Variants in PIGU observed in about 807,000 individuals in gnomAD.
PIGU encodes the protein phosphatidylinositol glycan anchor biosynthesis class U.
Under a neutral mutation model 49.9 loss-of-function variants are expected in PIGU, and 24 were observed. That is an observed-to-expected ratio of 0.48 (90% CI 0.35 to 0.68). The LOEUF is 0.68. Among genes scored for constraint, PIGU ranks in the 30% least tolerant of loss-of-function variants. PIGU has a pLI of 0.01. For synonymous variants in PIGU, 220 were observed against 205.7 expected (o/e 1.07, Z -0.59); for missense variants, 490 against 532.6 (o/e 0.92, Z 0.79).
intron 11 of PIGU, among the ~76,000 whole-genome samples, 168 bp from the exon 12 acceptor site, chr20:34,561,147 G>T (rs1478172062): frequency 6.6e-6 from 1 of 152,092 alleles, no homozygotes; most frequent in African/African-American, 2.4e-5. Context: ...GCCCATAATT[G>T]ACCCTGCAAG....
intron 7 of PIGU, among the ~76,000 whole-genome samples, chr20:34,604,850 C>T (rs780515671): frequency 2.0e-5 from 3 of 152,114 alleles, no homozygotes; most frequent in Non-Finnish European, 4.4e-5. Flanking sequence ...TAAAGCAAAA[C>T]CAAAAGAGTA....
chr20:34,573,489 A>G (rs995893215), intron 11 of PIGU, among the ~76,000 whole-genome samples: 7 of 152,196 alleles, frequency 4.6e-5, no homozygotes, highest in African/African-American at 1.7e-4. Flanking sequence ...AGTTCCATGG[A>G]TGCTTCATAA....
chr20:34,632,186 T>C (rs1985804496), intron 6 of PIGU, among the ~76,000 whole-genome samples: 1 of 151,838 alleles, frequency 6.6e-6, no homozygotes, highest in South Asian at 2.1e-4. Flanking sequence ...GTTATATCCA[T>C]GACCATAAAA....
chr20:34,664,721 G>A (rs1426920136), intron 1 of PIGU, among the ~76,000 whole-genome samples: 3 of 152,036 alleles, frequency 2.0e-5, no homozygotes, highest in African/African-American at 7.2e-5. Context: ...TGGGCATGGT[G>A]GCTCACGCCT....
intron 7 of PIGU, among the ~76,000 whole-genome samples, chr20:34,600,762 C>T (rs928542591): frequency 6.6e-6 from 1 of 151,960 alleles, no homozygotes; most frequent in Non-Finnish European, 1.5e-5. Context: ...TGGCCGGGCA[C>T]GGTGGCTCAC....
Position 34,588,534 on chromosome 20 carries a change from A to G in PIGU, c.701T>C (p.Val234Ala). The change falls in exon 8 of 12, where the codon GTG (valine) becomes GCG (alanine). Residue 234 changes from valine to alanine, a missense_variant. By Grantham distance (64) the Val-to-Ala change is moderately conservative. Coordinates refer to ENST00000217446, the MANE Select transcript of PIGU (RefSeq NM_080476.5). Reference sequence around the variant, plus strand: ...GCAAATGATTACCACTAGGCTTCCCACATACATCATGGCATACTCCCAAGA... The same window carrying G: ...GCAAATGATTACCACTAGGCTTCCCGCATACATCATGGCATACTCCCAAGA... ...IFSWEYAMMY[V>A]GSLVVIICLS... 1 of 1,613,788 alleles carries G rather than the reference A, an allele frequency of 6.2e-7. No homozygotes were observed. The highest frequency in any genetic ancestry group is 8.5e-7 in the Non-Finnish European group (1 of 1,179,642).
intron 6 of PIGU, among the ~76,000 whole-genome samples, chr20:34,622,302 A>C (rs1472321733): frequency 6.6e-6 from 1 of 152,078 alleles, no homozygotes; most frequent in African/African-American, 2.4e-5. Context: ...GTGGATCACA[A>C]GGTCAGGAGT....
chr20:34,591,566 A>G (rs1195989919), intron 7 of PIGU, among the ~76,000 whole-genome samples: 6 of 152,230 alleles, frequency 3.9e-5, no homozygotes, highest in African/African-American at 1.2e-4. Context: ...ACAGACTTCA[A>G]TCTCTGACGA....
At position 34,585,439 on chromosome 20, in the gene PIGU, T is replaced by C. The variant is rs201630459; in HGVS notation, c.924A>G (p.Leu308=). The C allele has an allele frequency of 3.7e-6, 6 of 1,614,144 alleles. No individual in the cohort carries two copies. The East Asian group carries it at 1.1e-4, about 30-fold the overall frequency. ...FFYTIPLAIK[L]KEHPIFFMFI... ...CAGCAGCAGGTCCAGCCACTTACTTTAGCTTTATGGCTAAGGGGATGGTGT... is the reference window on the plus strand; with the variant it reads ...CAGCAGCAGGTCCAGCCACTTACTTCAGCTTTATGGCTAAGGGGATGGTGT... Residue 308 remains leucine (L), a splice_region_variant and synonymous_variant, in exon 9 of 12, where the codon CTA becomes CTG. Transcript: ENST00000217446.
chr20:34,649,633 C>T (rs532255368), intron 2 of PIGU, among the ~76,000 whole-genome samples: 265 of 148,748 alleles, frequency 1.8e-3, no homozygotes, highest in African/African-American at 6.2e-3. Context: ...TGCCCAGGTT[C>T]AAGCGATTCT....
chr20:34,615,940 C>A, intron 7 of PIGU, 102 bp downstream of exon 7: 1 of 1,445,314 alleles, frequency 6.9e-7, no homozygotes, highest in East Asian at 2.6e-5. Flanking sequence ...GAGCAAGCTT[C>A]CCACTGCCTT....
intron 7 of PIGU, among the ~76,000 whole-genome samples, chr20:34,603,450 T>A (rs1984503788): frequency 6.6e-6 from 1 of 152,236 alleles, no homozygotes; most frequent in Non-Finnish European, 1.5e-5. Flanking sequence ...CAGTTTTCAA[T>A]ACAATGAACT....
chr20:34,652,978 T>G (rs1310784718), intron 2 of PIGU, among the ~76,000 whole-genome samples: 7 of 151,772 alleles, frequency 4.6e-5, no homozygotes, highest in Non-Finnish European at 5.9e-5. Flanking sequence ...AGTTGGGTTT[T>G]TTTTTTTTTT....
rs771688258 is a variant in PIGU, at chr20:34,676,917, AGGTG to A, written c.130+35_130+38del. On this transcript the variant is annotated intron_variant, in intron 1 of 11. Coordinates refer to ENST00000217446, the MANE Select transcript of PIGU (RefSeq NM_080476.5). ...CCATTCACAGAGGCCGCGGGAGGGC[AGGTG>A]GGGCCTGACAGTCTGCTCGAGCCAG... The A allele has an allele frequency of 2.6e-6, 4 of 1,554,782 alleles. No individual in the cohort carries two copies. In the South Asian group the frequency reaches 4.7e-5, roughly 18 times the overall value.
At chr20:34,644,291 C>T in intron 3 of PIGU, 65 bp from the exon 4 acceptor site, 3 of 1,376,900 alleles carry the variant, frequency 2.2e-6, no homozygotes, top group Non-Finnish European at 2.1e-6. Flanking sequence ...TAGAGTGCTA[C>T]CAGGGCTTGG....
At chr20:34,636,843 A>G (rs544971597) in intron 5 of PIGU, among the ~76,000 whole-genome samples, 10 of 152,330 alleles carry the variant, frequency 6.6e-5, no homozygotes, top group Non-Finnish European at 1.3e-4. Flanking sequence ...AAAGGCCTAG[A>G]AATTGCTGGC....
At chr20:34,662,907 G>C (rs1986972124) in intron 1 of PIGU, among the ~76,000 whole-genome samples, 1 of 152,042 alleles carries the variant, frequency 6.6e-6, no homozygotes, top group South Asian at 2.1e-4. Flanking sequence ...AAAAGAAGTA[G>C]TTTTTGTTTT....
chr20:34,662,393 T>G (rs1986954472), intron 1 of PIGU, among the ~76,000 whole-genome samples: 1 of 136,344 alleles, frequency 7.3e-6, no homozygotes, highest in African/African-American at 2.7e-5. Context: ...CCCAGCCCTT[T>G]GCCTTTTTTT....
chr20:34,650,839 G>A (rs71349767), intron 2 of PIGU, among the ~76,000 whole-genome samples: 5 of 147,484 alleles, frequency 3.4e-5, no homozygotes, highest in Admixed American at 6.8e-5. Context: ...TCAGCCTCCC[G>A]AGTAGCTGGG....
Sources: gnomAD v4.1 joint callset for allele counts (sites outside exome capture counted in the v4.1 genomes callset) on GRCh38, gnomAD v4.1.1 for gene constraint, MANE v1.5 for transcripts, NCBI Gene and HGNC (gene_info 2026-07-23, HGNC 2026-07-21) for gene names.